SORCS3: variants seen among roughly 807,000 people sequenced by gnomAD.
The protein encoded by SORCS3 is sortilin related VPS10 domain containing receptor 3, also known as VPS10 domain-containing receptor SorCS3.
A neutral mutation model predicts 146.3 loss-of-function variants in SORCS3; 57 were observed. The ratio of observed to expected loss-of-function variants is 0.39; its 90% CI spans 0.31 to 0.49. The LOEUF (loss-of-function observed/expected upper bound fraction) is 0.49, where lower values mean the gene tolerates loss of function less well. Ranked by LOEUF, SORCS3 falls within the 20% of genes least tolerant of loss-of-function variation. SORCS3 has a pLI of 0.92. For synonymous variants in SORCS3, 653 were observed against 618.5 expected (o/e 1.06, Z -0.83); for missense variants, 1,341 against 1,575.5 (o/e 0.85, Z 2.52).
Position 104,751,924 on chromosome 10 carries a change from CATATATATATATATATATAT to C in SORCS3, c.628-90842_628-90823del, listed in dbSNP as rs71482435. On this transcript the variant is annotated intron_variant, in intron 1 of 26. Transcript: ENST00000369701. ...AAAAAATGTAAATGCTAATAGGAAG[CATATATATATATATATATAT>C]ATATATATATATATATATATATATA... is the stretch of plus-strand genomic sequence containing the variant. Among the ~76,000 whole-genome samples, 277 of 38,468 alleles carry C rather than the reference CATATATATATATATATATAT, an allele frequency of 7.2e-3. 38 individuals carry two copies. Among genetic ancestry groups the C allele is most frequent in the South Asian group, 0.038 (17 of 448 alleles). The allele number at this position is 38,468 out of a possible 152,430, so 25.2% of individuals were successfully genotyped here. A position where few individuals can be genotyped will look rare whatever the true frequency, so the allele number is the denominator to read the frequency against.
At chr10:105,157,718 A>G (rs1051157938) in intron 10 of SORCS3, among the ~76,000 whole-genome samples, 1 of 152,204 alleles carries the variant, frequency 6.6e-6, no homozygotes, top group African/African-American at 2.4e-5. Flanking sequence ...GGGACAGTTA[A>G]TCTATCAGCA....
chr10:104,996,374 T>C (rs2055027399), intron 4 of SORCS3, among the ~76,000 whole-genome samples: 1 of 152,196 alleles, frequency 6.6e-6, no homozygotes, highest in Non-Finnish European at 1.5e-5. Flanking sequence ...TTTAATTTGA[T>C]TCAGTGATGT....
At chr10:104,650,620 C>T (rs958637251) in intron 1 of SORCS3, among the ~76,000 whole-genome samples, 30 of 152,220 alleles carry the variant, frequency 2.0e-4, no homozygotes, top group African/African-American at 7.2e-4. Context: ...TTCTGTATTT[C>T]CTTCCTTTTT....
intron 7 of SORCS3, among the ~76,000 whole-genome samples, chr10:105,108,470 A>C (rs995055418): frequency 2.6e-5 from 4 of 152,206 alleles, no homozygotes; most frequent in African/African-American, 9.7e-5. Flanking sequence ...ACCACTAAGA[A>C]ATAAGTATTG....
In SORCS3 at chr10:104,780,003, C is replaced by T. The variant is rs529618431; in HGVS notation, c.628-62789C>T. Among the ~76,000 whole-genome samples the T allele has an allele frequency of 4.6e-5, 7 of 152,082 alleles. No homozygotes were observed. In the South Asian group the frequency reaches 1.5e-3, roughly 32 times the overall value. On this transcript the variant is annotated intron_variant, in intron 1 of 26. Coordinates refer to ENST00000369701, the MANE Select transcript of SORCS3 (RefSeq NM_014978.3). ...ACATGTGAATTAGCCATGCACATTG[C>T]TATTTTGCTTATGGGGAGGGGAAGG...
rs144044822 is a variant in SORCS3, at chr10:105,049,820, C to T, written c.1028+6692C>T. ...GACACTGGAGACTACCAGAAGGGTG[C>T]GAGGAGGGCAAGGGCTGAATAACTA... On this transcript the variant is annotated intron_variant, in intron 5 of 26. Transcript: ENST00000369701. 8.5e-3 allele frequency among the ~76,000 whole-genome samples: 1,294 copies of T among 151,940 alleles called. 16 individuals are homozygous for T. Among genetic ancestry groups the T allele is most frequent in the African/African-American group, 0.029 (1,211 of 41,472 alleles).
intron 5 of SORCS3, among the ~76,000 whole-genome samples, chr10:105,049,596 C>G (rs575553708): frequency 6.6e-6 from 1 of 152,158 alleles, no homozygotes; most frequent in East Asian, 1.9e-4. Flanking sequence ...TTGGTTTAAT[C>G]ACTACTATAA....
chr10:104,887,491 T>A (rs1487425054), intron 2 of SORCS3, among the ~76,000 whole-genome samples: 7 of 152,180 alleles, frequency 4.6e-5, no homozygotes, highest in Non-Finnish European at 1.0e-4. Flanking sequence ...GTTAGAAGGC[T>A]GTAAAGGCTC....
chr10:104,866,137 C>T (rs894237931), intron 2 of SORCS3, among the ~76,000 whole-genome samples: 4 of 152,112 alleles, frequency 2.6e-5, no homozygotes, highest in Admixed American at 6.5e-5. Context: ...AGCGAAGTGA[C>T]GTTTGACTTA....
chr10:104,750,898 A>G (rs1488419116), intron 1 of SORCS3, among the ~76,000 whole-genome samples: 1 of 152,214 alleles, frequency 6.6e-6, no homozygotes, highest in Non-Finnish European at 1.5e-5. Context: ...TAATAGACCT[A>G]TATTCTAGAA....
rs138468390 is a variant in SORCS3, at chr10:104,976,256, G to A, written c.796-1079G>A. Among the ~76,000 whole-genome samples, 676 of 152,298 alleles carry A rather than the reference G, an allele frequency of 4.4e-3. 4 individuals are homozygous for A. Among genetic ancestry groups the A allele is most frequent in the African/African-American group, 0.015 (639 of 41,548 alleles). The stretch of plus-strand genomic sequence containing the variant: ...CCATCAAAAAGTGGGCAAAGGACAT[G>A]AATAGACACTTCTCAAAAGGAGACA... On this transcript the variant is annotated intron_variant, in intron 3 of 26. Coordinates refer to ENST00000369701, the MANE Select transcript of SORCS3 (RefSeq NM_014978.3).
rs1216075506 is a variant in SORCS3, at chr10:105,223,140, G to A, written c.2759G>A (p.Arg920Gln). 2.3e-5 allele frequency: 37 copies of A among 1,608,172 alleles called. No individual in the cohort carries two copies. Among genetic ancestry groups the A allele is most frequent in the Admixed American group, 3.3e-5 (2 of 59,766 alleles). Reference protein sequence around the residue: ...VVCPVEHVHLRVPFVAIRNKE... With the variant: ...VVCPVEHVHLQVPFVAIRNKE... The stretch of plus-strand genomic sequence containing the variant: ...GGTCCTGTGGAGCATGTTCATCTCC[G>A]AGTTCCATTTGTTGCCATAAGAAAT... Residue 920 changes from arginine (R) to glutamine (Q), a missense_variant, in exon 20 of 27, where the codon CGA becomes CAA. Arg to Gln is a conservative substitution (Grantham distance 43, BLOSUM62 1). Coordinates refer to ENST00000369701, the MANE Select transcript of SORCS3 (RefSeq NM_014978.3).
chr10:104,826,087 T>C (rs1312996801), intron 1 of SORCS3, among the ~76,000 whole-genome samples: 1 of 152,178 alleles, frequency 6.6e-6, no homozygotes, highest in Non-Finnish European at 1.5e-5. Flanking sequence ...TGTGTTTGGG[T>C]GCTGACTCCT....
chr10:104,661,192 C>T (rs1826429753), intron 1 of SORCS3, among the ~76,000 whole-genome samples: 1 of 152,156 alleles, frequency 6.6e-6, no homozygotes, highest in Admixed American at 6.5e-5. Context: ...CCCTCTTCTG[C>T]CTTCTCCTGT....
intron 4 of SORCS3, among the ~76,000 whole-genome samples, chr10:105,012,269 T>C (rs2055140316): frequency 1.3e-5 from 2 of 152,184 alleles, no homozygotes; most frequent in African/African-American, 2.4e-5. Context: ...TGATGTTTGA[T>C]TCTGGCTACT....
At chr10:105,223,385 T>G in intron 20 of SORCS3, 136 bp downstream of exon 20, 1 of 777,570 alleles carries the variant, frequency 1.3e-6, no homozygotes, top group Non-Finnish European at 1.9e-6. Flanking sequence ...CCCACAAAAT[T>G]GAATAAAACA....
At chr10:105,104,335 A>G (rs1282532146) in intron 6 of SORCS3, among the ~76,000 whole-genome samples, 1 of 152,112 alleles carries the variant, frequency 6.6e-6, no homozygotes, top group African/African-American at 2.4e-5. Flanking sequence ...TTTTTGGTGG[A>G]TTCTTCACAG....
At chr10:104,746,643 A>T (rs964895549) in intron 1 of SORCS3, among the ~76,000 whole-genome samples, 1 of 152,136 alleles carries the variant, frequency 6.6e-6, no homozygotes, top group Non-Finnish European at 1.5e-5. Flanking sequence ...GTACCCTTTG[A>T]TCACCATCTC....
intron 1 of SORCS3, among the ~76,000 whole-genome samples, chr10:104,643,120 C>A (rs2015447274): frequency 6.6e-6 from 1 of 152,210 alleles, no homozygotes; most frequent in Non-Finnish European, 1.5e-5. Flanking sequence ...CAGATCAGAA[C>A]CTGGCGTTGG....
Sources: allele counts gnomAD v4.1 joint callset (sites outside exome capture counted in the v4.1 genomes callset), GRCh38; gene constraint gnomAD v4.1.1; transcripts MANE v1.5; gene names NCBI Gene and HGNC (gene_info 2026-07-23, HGNC 2026-07-21).